PTK2: variants seen among roughly 807,000 people sequenced by gnomAD.
The protein encoded by PTK2 is focal adhesion kinase 1.
PTK2 carries 45 observed loss-of-function variants against 150.1 expected under a neutral mutation model. The observed-to-expected ratio is 0.30, with a 90% CI of 0.24 to 0.38. The LOEUF (loss-of-function observed/expected upper bound fraction) is 0.38. PTK2 is among the 10% of genes least tolerant of loss of function. The pLI, the probability that PTK2 is intolerant of heterozygous loss-of-function variation, is 1.00. For missense variants in PTK2, 919 were observed against 1,307.3 expected, an observed-to-expected ratio of 0.70 and a Z score of 4.58; for synonymous variants, 432 against 449.2, an observed-to-expected ratio of 0.96 and a Z score of 0.48.
intron 10 of PTK2, among the ~76,000 whole-genome samples, chr8:140,811,203 G>C (rs2100101346): frequency 6.6e-6 from 1 of 152,206 alleles, no homozygotes; most frequent in South Asian, 2.1e-4. Context: ...CACTCCACAA[G>C]TGCAGTGGAT....
chr8:140,720,914 C>A (rs2100042554), intron 22 of PTK2, among the ~76,000 whole-genome samples: 1 of 152,114 alleles, frequency 6.6e-6, no homozygotes, highest in South Asian at 2.1e-4. Flanking sequence ...TGCCACCATG[C>A]CTGGCTAATT....
chr8:140,684,389 G>A (rs1348345867), intron 27 of PTK2, among the ~76,000 whole-genome samples: 1 of 152,244 alleles, frequency 6.6e-6, no homozygotes, highest in Admixed American at 6.5e-5. Flanking sequence ...AAGAGCTCAG[G>A]CATTAATGCG....
At chr8:140,992,753 T>C (rs1214361621) in intron 1 of PTK2, among the ~76,000 whole-genome samples, 1 of 152,220 alleles carries the variant, frequency 6.6e-6, no homozygotes, top group African/African-American at 2.4e-5. Context: ...TACCCAAATG[T>C]TGACTTCCAT....
chr8:140,818,447 C>T lies in PTK2; in HGVS notation c.790-93G>A, dbSNP rs1428467723. ...CCGTGGATATGTTAAAGGACCAAAG[C>T]AGGGGCTGGTTTGGTTTGCTATTAA... On this transcript the variant is annotated intron_variant, in intron 9 of 31. Coordinates refer to ENST00000522684, the Ensembl canonical transcript of PTK2. 9.0e-6 allele frequency: 10 copies of T among 1,114,152 alleles called. No individual in the cohort carries two copies. In the Admixed American group the frequency reaches 1.8e-4, roughly 21 times the overall value. The allele number at this position is 1,114,152 out of a possible 1,614,324, so 69.0% of individuals were successfully genotyped here.
At chr8:140,968,283 A>G in intron 1 of PTK2, among the ~76,000 whole-genome samples, 1 of 152,270 alleles carries the variant, frequency 6.6e-6, no homozygotes, top group South Asian at 2.1e-4. Context: ...TTTTAGATCA[A>G]TATAAATCAG....
At chr8:140,828,110 G>C (rs1028226938) in intron 8 of PTK2, among the ~76,000 whole-genome samples, 1 of 150,584 alleles carries the variant, frequency 6.6e-6, no homozygotes, top group Non-Finnish European at 1.5e-5. Flanking sequence ...AGGTTGCAGC[G>C]AGTCGAGATC....
chr8:140,855,154 T>C (rs1164164720), intron 5 of PTK2, among the ~76,000 whole-genome samples: 1 of 152,100 alleles, frequency 6.6e-6, no homozygotes, highest in Non-Finnish European at 1.5e-5. Flanking sequence ...TCTGGCCCCA[T>C]TAAAAATACT....
At chr8:140,773,377 GATAAA>G (rs2100076631) in intron 14 of PTK2, among the ~76,000 whole-genome samples, 1 of 152,132 alleles carries the variant, frequency 6.6e-6, no homozygotes, top group African/African-American at 2.4e-5. Flanking sequence ...GGAGAAGGAA[GATAAA>G]ATAAGTAAAT....
At chr8:140,719,175 C>A (rs2100041403) in intron 22 of PTK2, among the ~76,000 whole-genome samples, 2 of 150,538 alleles carry the variant, frequency 1.3e-5, no homozygotes, top group African/African-American at 2.4e-5. Flanking sequence ...GACTCCACCT[C>A]AAAAAAAAAC....
chr8:140,758,679 G>C (rs2154541805), intron 16 of PTK2, among the ~76,000 whole-genome samples: 1 of 152,206 alleles, frequency 6.6e-6, no homozygotes, highest in East Asian at 1.9e-4. Context: ...AAGCTTAAAA[G>C]GTTCATGATG....
In PTK2 at chr8:140,659,497, A is replaced by C. The variant is rs762515280; in HGVS notation, c.3128T>G (p.Leu1043Arg). 9 of 1,613,176 alleles carry C rather than the reference A, an allele frequency of 5.6e-6. No individual in the cohort carries two copies. The East Asian group carries it at 1.1e-4, about 20-fold the overall frequency. ...TGGTCTCGTCTGCCCAAGCATTTTC[A>C]GTCTTGCTTGGTCAATGACATCGAG... Residue 1043 changes from leucine (L) to arginine (R), a missense_variant, in exon 32 of 32, where the codon CTG becomes CGG. By Grantham distance (102) the Leu-to-Arg change is moderately radical (BLOSUM62 -2). Transcript: ENST00000522684.
chr8:140,893,214 G>C (rs2100154815), intron 2 of PTK2, among the ~76,000 whole-genome samples: 2 of 152,146 alleles, frequency 1.3e-5, no homozygotes, highest in Non-Finnish European at 2.9e-5. Context: ...AGCTACTTGG[G>C]AGGCCGAGGA....
intron 26 of PTK2, among the ~76,000 whole-genome samples, chr8:140,687,309 A>G (rs997467630): frequency 1.3e-5 from 2 of 152,148 alleles, no homozygotes; most frequent in African/African-American, 4.8e-5. Context: ...CGGGCCTTCT[A>G]CCACAGTGGC....
intron 20 of PTK2, among the ~76,000 whole-genome samples, chr8:140,742,069 G>T (rs915426539): frequency 6.6e-6 from 1 of 152,180 alleles, no homozygotes; most frequent in Non-Finnish European, 1.5e-5. Flanking sequence ...TCAGGAGGTC[G>T]AGACTGTAAT....
intron 3 of PTK2, among the ~76,000 whole-genome samples, chr8:140,881,710 C>A (rs565027223): frequency 6.6e-6 from 1 of 152,152 alleles, no homozygotes; most frequent in African/African-American, 2.4e-5. Context: ...TAAGAAAAAG[C>A]CCAGCTTCTC....
intron 12 of PTK2, 147 bp downstream of exon 12, chr8:140,800,312 A>G (rs1388585920): frequency 4.3e-6 from 3 of 702,878 alleles, no homozygotes; most frequent in East Asian, 2.5e-5. Flanking sequence ...CCCTAGAAAA[A>G]TAAGTCCTCA....
chr8:140,864,767 A>G (rs1413850626), intron 4 of PTK2, among the ~76,000 whole-genome samples: 1 of 152,224 alleles, frequency 6.6e-6, no homozygotes, highest in Non-Finnish European at 1.5e-5. Context: ...ATGTACTCTT[A>G]CTTGTTCAGA....
rs201688663 is a variant in PTK2, at chr8:140,855,295, TA to T, written c.451-8618del. Among the ~76,000 whole-genome samples, 510 of 149,470 alleles carry T rather than the reference TA, an allele frequency of 3.4e-3. 4 individuals are homozygous for T. Among genetic ancestry groups the T allele is most frequent in the African/African-American group, 0.011 (444 of 40,740 alleles). On this transcript the variant is annotated intron_variant, in intron 5 of 31. Coordinates refer to ENST00000522684, the Ensembl canonical transcript of PTK2. ...ATCCCCTCTGCCCATTTTCTAGACT[TA>T]AAAAAAAAGGGGGGGGTCGCCACGT...
At chr8:140,757,944 A>G (rs1002262138) in intron 16 of PTK2, among the ~76,000 whole-genome samples, 2 of 152,258 alleles carry the variant, frequency 1.3e-5, no homozygotes, top group East Asian at 3.8e-4. Context: ...CCAGTCATAT[A>G]AAAGTATAGT....
Sources: gnomAD v4.1 joint callset for allele counts (sites outside exome capture counted in the v4.1 genomes callset) on GRCh38, gnomAD v4.1.1 for gene constraint, MANE v1.5 for transcripts, NCBI Gene and HGNC (gene_info 2026-07-23, HGNC 2026-07-21) for gene names.